Variants in SEMA3A observed in about 807,000 individuals in gnomAD.
SEMA3A encodes semaphorin-3A.
In SEMA3A, 29 loss-of-function variants were observed where a neutral mutation model predicts 97.9. The observed-to-expected ratio is 0.30, with a 90% CI of 0.22 to 0.40. SEMA3A has a LOEUF of 0.40. Among genes scored for constraint, SEMA3A ranks in the 10% least tolerant of loss-of-function variants. The pLI is 1.00. For synonymous variants in SEMA3A, 321 were observed against 323.7 expected, an observed-to-expected ratio of 0.99 and a Z score of 0.09; for missense variants, 763 against 951.3, an observed-to-expected ratio of 0.80 and a Z score of 2.60.
chr7:84,231,469 T>A (rs1799113847), intron 3 of SEMA3A, among the ~76,000 whole-genome samples: 1 of 152,138 alleles, frequency 6.6e-6, no homozygotes, highest in Non-Finnish European at 1.5e-5. Flanking sequence ...TCTTTGAACA[T>A]AATTTTTCTG....
rs749228188 is a variant in SEMA3A, at chr7:84,095,829, AACT to A, written c.453+14638_453+14640del. Among the ~76,000 whole-genome samples, 113 of 152,126 alleles carry A rather than the reference AACT, an allele frequency of 7.4e-4. 1 individual carries two copies. Among genetic ancestry groups the A allele is most frequent in the Non-Finnish European group, 1.3e-3 (91 of 67,926 alleles). On this transcript the variant is annotated intron_variant, in intron 4 of 16. Coordinates refer to ENST00000265362, the MANE Select transcript of SEMA3A (RefSeq NM_006080.3). ...AACTGATAGAAATCATCTTAAATCCAACTACTTTTATGAGAATAAAAGTTCCTA... is the reference window on the plus strand; with the variant it reads ...AACTGATAGAAATCATCTTAAATCCAACTTTTATGAGAATAAAAGTTCCTA...
intron 3 of SEMA3A, among the ~76,000 whole-genome samples, chr7:84,126,849 G>A (rs959031941): frequency 6.6e-6 from 1 of 152,150 alleles, no homozygotes; most frequent in Non-Finnish European, 1.5e-5. Context: ...AAAGCCCAAA[G>A]AAAGTTAGCA....
intron 3 of SEMA3A, among the ~76,000 whole-genome samples, chr7:84,251,609 A>G (rs1032291753): frequency 2.0e-5 from 3 of 152,188 alleles, no homozygotes; most frequent in African/African-American, 7.2e-5. Flanking sequence ...ACAGAAACCA[A>G]GCTACACAGT....
At chr7:84,443,173 A>G (rs1805314675) in intron 1 of SEMA3A, among the ~76,000 whole-genome samples, 1 of 152,160 alleles carries the variant, frequency 6.6e-6, no homozygotes, top group African/African-American at 2.4e-5. Context: ...AGCAGCATAT[A>G]CATTCTTCTT....
intron 5 of SEMA3A, among the ~76,000 whole-genome samples, chr7:84,059,891 T>C (rs1793146602): frequency 6.6e-6 from 1 of 152,166 alleles, no homozygotes; most frequent in Non-Finnish European, 1.5e-5. Context: ...GTTAAGAGTC[T>C]GGAAAAAATT....
chr7:84,096,975 T>A (rs1427866186), intron 4 of SEMA3A, among the ~76,000 whole-genome samples: 1 of 152,154 alleles, frequency 6.6e-6, no homozygotes, highest in African/African-American at 2.4e-5. Context: ...AAGTATGATC[T>A]GGTGTCAAGG....
At chr7:84,304,766 G>A (rs970188675) in intron 3 of SEMA3A, among the ~76,000 whole-genome samples, 4 of 151,928 alleles carry the variant, frequency 2.6e-5, no homozygotes, top group African/African-American at 9.7e-5. Context: ...CTTATTCAAT[G>A]ACCATATAAA....
At chr7:84,482,530 A>C (rs1562961738) in intron 1 of SEMA3A, among the ~76,000 whole-genome samples, 1 of 152,224 alleles carries the variant, frequency 6.6e-6, no homozygotes. Flanking sequence ...TCCTAAAAAA[A>C]CAGTTGGAGT....
chr7:84,266,627 C>G (rs1800011089), intron 3 of SEMA3A, among the ~76,000 whole-genome samples: 1 of 152,010 alleles, frequency 6.6e-6, no homozygotes, highest in African/African-American at 2.4e-5. Flanking sequence ...AAATTAAAAA[C>G]ATAATTGAAA....
intron 4 of SEMA3A, among the ~76,000 whole-genome samples, chr7:84,062,177 A>C (rs928568082): frequency 1.3e-5 from 2 of 152,250 alleles, no homozygotes; most frequent in African/African-American, 2.4e-5. Context: ...TAATATGGAA[A>C]TTAACACAGG....
chr7:84,007,323 T>C, intron 10 of SEMA3A, 30 bp downstream of exon 10: 1 of 1,550,964 alleles, frequency 6.4e-7, no homozygotes, highest in Non-Finnish European at 8.7e-7. Context: ...AATATATTCA[T>C]TTCATATTTT....
chr7:84,203,526 A>ATATATATATTTTTTTTTTTT (rs372380784), intron 3 of SEMA3A, among the ~76,000 whole-genome samples: 2 of 25,672 alleles, frequency 7.8e-5, no homozygotes, highest in Non-Finnish European at 1.4e-4. Context: ...ATATATATAT[A>ATATATATATTTTTTTTTTTT]TTTTTTTTTT....
chr7:84,384,877 A>G (rs1327088796), intron 1 of SEMA3A, among the ~76,000 whole-genome samples: 1 of 152,152 alleles, frequency 6.6e-6, no homozygotes, highest in Non-Finnish European at 1.5e-5. Flanking sequence ...ACAGTCTGCA[A>G]TTCATCTACA....
Position 84,109,296 on chromosome 7 carries a change from G to T in SEMA3A, c.453+1174C>A, listed in dbSNP as rs560788044. On this transcript the variant is annotated intron_variant, in intron 4 of 16. Coordinates refer to ENST00000265362, the MANE Select transcript of SEMA3A (RefSeq NM_006080.3). ...GTTACTTTTTACTTAAAATTCTTCA[G>T]TCTGTCAGCATAAATACTATACATA... 2.6e-4 allele frequency among the ~76,000 whole-genome samples: 40 copies of T among 152,226 alleles called. No homozygotes were observed. In the South Asian group the frequency reaches 8.1e-3, roughly 31 times the overall value.
intron 3 of SEMA3A, among the ~76,000 whole-genome samples, chr7:84,288,293 G>A (rs1800644047): frequency 6.6e-6 from 1 of 151,962 alleles, no homozygotes; most frequent in Admixed American, 6.6e-5. Context: ...AAAAAATATT[G>A]AATGTTTAAA....
intron 1 of SEMA3A, among the ~76,000 whole-genome samples, chr7:84,473,365 T>C (rs759336017): frequency 5.4e-5 from 8 of 149,056 alleles, no homozygotes; most frequent in Non-Finnish European, 8.9e-5. Context: ...ATATACTTTA[T>C]ATTTTTGTAT....
At chr7:84,012,236 C>T (rs918524141) in intron 7 of SEMA3A, among the ~76,000 whole-genome samples, 12 of 152,096 alleles carry the variant, frequency 7.9e-5, no homozygotes, top group East Asian at 1.9e-4. Context: ...CTTCTCGCCA[C>T]GAAGAATTAT....
chr7:84,309,826 G>A (rs1301506743), intron 2 of SEMA3A, among the ~76,000 whole-genome samples: 1 of 152,068 alleles, frequency 6.6e-6, no homozygotes, highest in Non-Finnish European at 1.5e-5. Flanking sequence ...AAGACCCTGA[G>A]GCAAGATCAT....
At chr7:84,353,205 C>T (rs986451561) in intron 2 of SEMA3A, among the ~76,000 whole-genome samples, 2 of 151,644 alleles carry the variant, frequency 1.3e-5, no homozygotes, top group South Asian at 4.1e-4. Context: ...AAGTTCAGTG[C>T]AGACATAACC....
Sources: allele counts gnomAD v4.1 joint callset (sites outside exome capture counted in the v4.1 genomes callset), GRCh38; gene constraint gnomAD v4.1.1; transcripts MANE v1.5; gene names NCBI Gene and HGNC (gene_info 2026-07-23, HGNC 2026-07-21).